SFMBT2: variants seen among roughly 807,000 people sequenced by gnomAD.
The protein encoded by SFMBT2 is Scm like with four mbt domains 2.
SFMBT2 carries 38 observed loss-of-function variants against 110.1 expected under a neutral mutation model. The observed-to-expected ratio is 0.35, with a 90% CI of 0.27 to 0.45. SFMBT2 has a LOEUF of 0.45. SFMBT2 is among the 20% of genes least tolerant of loss of function. The probability of loss-of-function intolerance (pLI) is 1.00; values close to 1 mark genes in which losing one functional copy is unlikely to be tolerated. For missense variants in SFMBT2, 1,011 were observed against 1,094.9 expected, an observed-to-expected ratio of 0.92 and a Z score of 1.08; for synonymous variants, 425 against 425.4, an observed-to-expected ratio of 1.00 and a Z score of 0.01.
rs541657395 is a variant in SFMBT2 at position 7,273,169 on chromosome 10, T to C, written c.870+3723A>G. 9.2e-5 allele frequency among the ~76,000 whole-genome samples: 14 copies of C among 152,328 alleles called. No homozygotes were observed. The South Asian group carries it at 1.5e-3, about 16-fold the overall frequency. ...ACCCACACAAACTATCAATAAAGTA[T>C]ATGGATAAGACAGACATTTTTAGCC... On this transcript the variant is annotated intron_variant, in intron 7 of 20. Transcript: ENST00000397167.
chr10:7,305,506 G>A (rs529710869), intron 4 of SFMBT2, among the ~76,000 whole-genome samples: 114 of 152,284 alleles, frequency 7.5e-4, no homozygotes, highest in African/African-American at 2.5e-3. Context: ...TCTGACTTGC[G>A]TAGTATTCAG....
intron 6 of SFMBT2, among the ~76,000 whole-genome samples, chr10:7,280,250 T>C (rs1040807589): frequency 9.9e-5 from 15 of 152,216 alleles, no homozygotes; most frequent in African/African-American, 3.6e-4. Context: ...ATAAAGCCTG[T>C]GGCATTTTGT....
Position 7,252,639 on chromosome 10 carries a change from T to G in SFMBT2, c.871-3990A>C, listed in dbSNP as rs188554220. Among the ~76,000 whole-genome samples the G allele has an allele frequency of 3.2e-4, 48 of 152,274 alleles. 1 individual carries two copies. The East Asian group carries it at 7.5e-3, about 24-fold the overall frequency. Reference sequence around the variant, plus strand: ...TGACATTAAAATATTCTTAAACAGTTTAAGAATAATGCTCAGTGAGCATTA... The same window carrying G: ...TGACATTAAAATATTCTTAAACAGTGTAAGAATAATGCTCAGTGAGCATTA... On this transcript the variant is annotated intron_variant, in intron 7 of 20. Transcript: ENST00000397167.
At position 7,382,053 on chromosome 10, in the gene SFMBT2, A is replaced by G. The variant is rs921358416; in HGVS notation, c.-51-104T>C. 3.1e-5 allele frequency: 17 copies of G among 540,094 alleles called. No individual in the cohort carries two copies. In the Admixed American group the frequency reaches 3.2e-4, roughly 10 times the overall value. The allele number at this position is 540,094 out of a possible 1,614,324, so 33.5% of individuals were successfully genotyped here. ...AAAAAACCTTATTAGTGCCACTACC[A>G]TTTCATTATAACTTTCAAGATGCAA... On this transcript the variant is annotated intron_variant, in intron 1 of 20. Coordinates refer to ENST00000397167, the MANE Select transcript of SFMBT2 (RefSeq NM_001387889.1).
Position 7,171,943 on chromosome 10 carries a change from T to G in SFMBT2, c.2367A>C (p.Ser789=). 1 of 1,466,578 alleles carries G rather than the reference T, an allele frequency of 6.8e-7. No homozygotes were observed. The highest frequency in any genetic ancestry group is 9.0e-7 in the Non-Finnish European group (1 of 1,112,426). The allele number at this position is 1,466,578 out of a possible 1,614,324, so 90.8% of individuals were successfully genotyped here. Reference sequence around the variant, plus strand: ...GCGGGCACTTCTCCCCTTCCTCTGCTGAGGAGGCAGCCGGCGCCCCGCGGC... The same window carrying G: ...GCGGGCACTTCTCCCCTTCCTCTGCGGAGGAGGCAGCCGGCGCCCCGCGGC... ...RRGRGAPAAS[S]AEEGEKCPPT... Residue 789 remains serine (S), a synonymous_variant, in exon 19 of 21, where the codon TCA becomes TCC. Coordinates refer to ENST00000397167, the MANE Select transcript of SFMBT2 (RefSeq NM_001387889.1). This position sits in a 1 kb window ranked among gnomAD's most constrained non-coding sequence, Gnocchi z 4.9.
At position 7,381,838 on chromosome 10, in the gene SFMBT2, A is replaced by G; in HGVS notation, c.61T>C (p.Cys21Arg). The G allele has an allele frequency of 6.2e-7, 1 of 1,613,814 alleles. No homozygotes were observed. The highest frequency in any genetic ancestry group is 2.2e-5 in the East Asian group (1 of 44,860). ...CCATTTCCATTAGCTGAGCCGAGAC[A>G]CTTTTCCAAGGGTGAAGATGAAGGG... is the stretch of plus-strand genomic sequence containing the variant. Reference protein sequence around the residue: ...QDPSSSPLEKCLGSANGNGDL... With the variant: ...QDPSSSPLEKRLGSANGNGDL... The change falls in exon 2 of 21, where the codon TGT (cysteine) becomes CGT (arginine). Residue 21 changes from cysteine (C) to arginine (R), a missense_variant. Transcript: ENST00000397167.
At chr10:7,298,885 C>T (rs906067985) in intron 4 of SFMBT2, among the ~76,000 whole-genome samples, 1 of 152,082 alleles carries the variant, frequency 6.6e-6, no homozygotes, top group African/African-American at 2.4e-5. Context: ...GGATTACGAA[C>T]AACTACTGCA....
At chr10:7,275,948 G>A (rs901678756) in intron 7 of SFMBT2, among the ~76,000 whole-genome samples, 2 of 152,224 alleles carry the variant, frequency 1.3e-5, no homozygotes, top group African/African-American at 4.8e-5. Context: ...GAAGCAACTG[G>A]ATGTCTGCCC....
chr10:7,235,615 T>TAC (rs145236926), intron 9 of SFMBT2, among the ~76,000 whole-genome samples: 2 of 151,212 alleles, frequency 1.3e-5, no homozygotes, highest in Middle Eastern at 3.4e-3. Context: ...ACATATTAGA[T>TAC]ACACACACAC....
chr10:7,261,300 C>G (rs953186877), intron 7 of SFMBT2, among the ~76,000 whole-genome samples: 1 of 152,186 alleles, frequency 6.6e-6, no homozygotes, highest in Non-Finnish European at 1.5e-5. Flanking sequence ...TATGCTATCC[C>G]GAAAGGTCTG....
intron 7 of SFMBT2, among the ~76,000 whole-genome samples, chr10:7,253,181 T>C (rs956812090): frequency 6.6e-6 from 1 of 152,130 alleles, no homozygotes; most frequent in African/African-American, 2.4e-5. Flanking sequence ...ACCTCTTCCA[T>C]TTGGCTGTTC....
chr10:7,276,021 A>C (rs1841763065), intron 7 of SFMBT2, among the ~76,000 whole-genome samples: 1 of 152,226 alleles, frequency 6.6e-6, no homozygotes, highest in African/African-American at 2.4e-5. Flanking sequence ...CCCACACTCC[A>C]TGGGCCTGTT....
At chr10:7,406,344 T>C (rs1846208071) in intron 1 of SFMBT2, among the ~76,000 whole-genome samples, 1 of 152,072 alleles carries the variant, frequency 6.6e-6, no homozygotes, top group Non-Finnish European at 1.5e-5. Flanking sequence ...TTTACGGACT[T>C]CTTAGATCCC....
At chr10:7,208,244 G>A (rs1352850202) in intron 11 of SFMBT2, among the ~76,000 whole-genome samples, 4 of 152,122 alleles carry the variant, frequency 2.6e-5, no homozygotes, top group Non-Finnish European at 4.4e-5. Flanking sequence ...CCCCGGGCAG[G>A]TTCCTGGTAC....
At chr10:7,385,870 G>C (rs370851827) in intron 1 of SFMBT2, among the ~76,000 whole-genome samples, 2 of 152,058 alleles carry the variant, frequency 1.3e-5, no homozygotes, top group African/African-American at 4.8e-5. Context: ...CGTGGTGGTG[G>C]GCACCTGTAG....
intron 1 of SFMBT2, among the ~76,000 whole-genome samples, chr10:7,385,180 G>T (rs767376772): frequency 5.9e-5 from 9 of 152,196 alleles, no homozygotes; most frequent in Non-Finnish European, 1.3e-4. Context: ...AGAATGTTCA[G>T]AGGGTACCTG....
chr10:7,380,332 G>A (rs1454176377), intron 2 of SFMBT2, among the ~76,000 whole-genome samples: 4 of 152,140 alleles, frequency 2.6e-5, no homozygotes, highest in East Asian at 3.8e-4. Flanking sequence ...CAAATGAGCC[G>A]ATTTGGAAAC....
intron 9 of SFMBT2, 79 bp from the exon 10 acceptor site, chr10:7,228,016 A>G: frequency 3.0e-6 from 3 of 1,004,212 alleles, no homozygotes; most frequent in Non-Finnish European, 4.4e-6. Flanking sequence ...GAAGGGGTGA[A>G]AGTTTAGGCT....
At chr10:7,251,367 G>A (rs1588385516) in intron 7 of SFMBT2, among the ~76,000 whole-genome samples, 1 of 152,160 alleles carries the variant, frequency 6.6e-6, no homozygotes, top group Non-Finnish European at 1.5e-5. Flanking sequence ...CCAGCTACCC[G>A]GGAGGCAGAG....
Sources: gnomAD v4.1 joint callset for allele counts (sites outside exome capture counted in the v4.1 genomes callset) on GRCh38, gnomAD v4.1.1 for gene constraint, Gnocchi (gnomAD v3.1) non-coding constraint, MANE v1.5 for transcripts, NCBI Gene and HGNC (gene_info 2026-07-23, HGNC 2026-07-21) for gene names.